The following CTNNAL1 variants were observed in gnomAD, a reference collection of about 807,000 sequenced individuals.
CTNNAL1 encodes catenin alpha like 1.
Under a neutral mutation model 93.6 loss-of-function variants are expected in CTNNAL1, and 69 were observed. That is an observed-to-expected ratio of 0.74 (90% CI 0.61 to 0.90). CTNNAL1 has a LOEUF of 0.90. CTNNAL1 is among the 40% of genes least tolerant of loss of function. CTNNAL1 has a pLI of 0.00. For missense variants in CTNNAL1, 836 were observed against 862.0 expected (o/e 0.97, Z 0.38); for synonymous variants, 286 against 305.4 (o/e 0.94, Z 0.66).
intron 1 of CTNNAL1, among the ~76,000 whole-genome samples, chr9:109,007,809 C>T (rs1032537896): frequency 1.3e-5 from 2 of 152,208 alleles, no homozygotes; most frequent in Admixed American, 6.5e-5. Context: ...TATCTGGCTA[C>T]TCCTTGTCCA....
chr9:108,976,890 T>C, intron 8 of CTNNAL1, 72 bp downstream of exon 8: 3 of 600,736 alleles, frequency 5.0e-6, no homozygotes, highest in South Asian at 2.9e-5. Flanking sequence ...ATAATACTAA[T>C]GTATTTCATA....
rs1241555018 is a variant in CTNNAL1 at position 108,946,091 on chromosome 9, GAGATCGAGACC to G, written c.1884+2084_1885-2074del. Among the ~76,000 whole-genome samples, 3 of 152,060 alleles carry G rather than the reference GAGATCGAGACC, an allele frequency of 2.0e-5. No individual in the cohort carries two copies. In the East Asian group the frequency reaches 5.8e-4, roughly 29 times the overall value. ...TGAGGCGGGCGAATCACAAGGTCAA[GAGATCGAGACC>G]ATCCTGGCCAACATGGTGAAACCCT... is the stretch of plus-strand genomic sequence containing the variant. On this transcript the variant is annotated intron_variant, in intron 15 of 18. Transcript: ENST00000325551.
intron 2 of CTNNAL1, among the ~76,000 whole-genome samples, chr9:108,994,295 G>C (rs558441776): frequency 6.6e-6 from 1 of 152,060 alleles, no homozygotes; most frequent in Non-Finnish European, 1.5e-5. Flanking sequence ...GAAAGACTTA[G>C]AGCCAGGCTA....
At chr9:108,975,061 G>T (rs1162194282) in intron 8 of CTNNAL1, among the ~76,000 whole-genome samples, 1 of 152,130 alleles carries the variant, frequency 6.6e-6, no homozygotes, top group Non-Finnish European at 1.5e-5. Flanking sequence ...TACTCGGGAG[G>T]CTGAGGCATG....
At chr9:108,961,618 A>G (rs2132112468) in intron 11 of CTNNAL1, among the ~76,000 whole-genome samples, 1 of 152,356 alleles carries the variant, frequency 6.6e-6, no homozygotes, top group South Asian at 2.1e-4. Context: ...CCTAAAGAAG[A>G]GATTATTTAC....
intron 14 of CTNNAL1, chr9:108,950,529 T>G: frequency 6.4e-7 from 1 of 1,550,424 alleles, no homozygotes; most frequent in Non-Finnish European, 8.7e-7. Flanking sequence ...CTAGAAAAGG[T>G]AGAAGACGTC....
chr9:108,965,311 G>T, intron 11 of CTNNAL1, 67 bp downstream of exon 11: 1 of 1,228,058 alleles, frequency 8.1e-7, no homozygotes, highest in Non-Finnish European at 1.1e-6. Context: ...TTGAGGTTTG[G>T]CATTAAAAAA....
chr9:109,005,448 G>A (rs569381371), intron 1 of CTNNAL1, among the ~76,000 whole-genome samples: 2 of 152,250 alleles, frequency 1.3e-5, no homozygotes, highest in East Asian at 3.9e-4. Context: ...ATTAGGAGGT[G>A]GGGCCTTTGG....
At position 108,977,835 on chromosome 9, in the gene CTNNAL1, C is replaced by T. The variant is rs184218438; in HGVS notation, c.1102-787G>A. On this transcript the variant is annotated intron_variant, in intron 7 of 18. Transcript: ENST00000325551. ...TCTCAATGCATAGTCTACACTTTCTCTTAGGATACTTACAAAGCTATTTGT... is the reference window on the plus strand; with the variant it reads ...TCTCAATGCATAGTCTACACTTTCTTTTAGGATACTTACAAAGCTATTTGT... Among the ~76,000 whole-genome samples, 3 of 152,314 alleles carry T rather than the reference C, an allele frequency of 2.0e-5. No individual in the cohort carries two copies. In the East Asian group the frequency reaches 5.8e-4, roughly 29 times the overall value.
At position 109,013,359 on chromosome 9, in the gene CTNNAL1, C is replaced by T. The variant is rs1308341105; in HGVS notation, c.84G>A (p.Ser28=). ...GSGSSGFALD[S]GLEIKTRSVE... ...CCGAGCGAGTTTTGATCTCCAGTCC[C>T]GAGTCGAGGGCGAAGCCCGAAGAGC... The change falls in exon 1 of 19, where the codon TCG becomes TCA. Residue 28 remains serine, a synonymous_variant. Coordinates refer to ENST00000325551, the MANE Select transcript of CTNNAL1 (RefSeq NM_003798.4). 6 of 1,514,754 alleles carry T rather than the reference C, an allele frequency of 4.0e-6. No individual in the cohort carries two copies. The African/African-American group carries it at 5.8e-5, about 15-fold the overall frequency. The allele number at this position is 1,514,754 out of a possible 1,614,324, so 93.8% of individuals were successfully genotyped here. A position where few individuals can be genotyped will look rare whatever the true frequency, so the allele number is the denominator to read the frequency against.
chr9:108,992,495 G>A (rs951796489), intron 3 of CTNNAL1, 137 bp downstream of exon 3: 1 of 1,107,100 alleles, frequency 9.0e-7, no homozygotes, highest in Non-Finnish European at 1.3e-6. Context: ...AATGTATCCT[G>A]CATTGCACAT....
chr9:108,965,594 C>A, intron 10 of CTNNAL1, 66 bp from the exon 11 acceptor site: 1 of 908,420 alleles, frequency 1.1e-6, no homozygotes, highest in Non-Finnish European at 1.6e-6. Context: ...ACTTTGAAGA[C>A]CAAAGGTAAG....
rs1218433114 is a variant in CTNNAL1, at chr9:108,943,895, T to C, written c.1941+67A>G. The C allele has an allele frequency of 1.7e-5, 27 of 1,598,172 alleles. No individual in the cohort carries two copies. The East Asian group carries it at 5.8e-4, about 34-fold the overall frequency. ...TACCTTAAACACATTTATACATTGA[T>C]ATTATACCCCCAAAGTAGGTTATAC... On this transcript the variant is annotated intron_variant, in intron 16 of 18. Transcript: ENST00000325551.
intron 8 of CTNNAL1, 30 bp from the exon 9 acceptor site, chr9:108,972,863 G>GTCCA: frequency 4.3e-6 from 1 of 231,688 alleles, no homozygotes; most frequent in Non-Finnish European, 7.1e-6. Context: ...TGGGGGGGTG[G>GTCCA]GAGGGTGGAG....
intron 2 of CTNNAL1, among the ~76,000 whole-genome samples, chr9:108,994,264 T>A (rs896657596): frequency 1.9e-4 from 29 of 149,768 alleles, no homozygotes; most frequent in African/African-American, 6.1e-4. Flanking sequence ...CTAGTAGGAG[T>A]ACATAAAATA....
At chr9:108,988,699 TG>T (rs1400825715) in intron 4 of CTNNAL1, among the ~76,000 whole-genome samples, 7 of 152,200 alleles carry the variant, frequency 4.6e-5, no homozygotes, top group African/African-American at 1.7e-4. Flanking sequence ...TCGTGTTCTT[TG>T]AACACACCAT....
intron 8 of CTNNAL1, 35 bp from the exon 9 acceptor site, chr9:108,972,868 G>GCCCCCCCCCGGGT: frequency 9.2e-7 from 1 of 1,092,788 alleles, no homozygotes; most frequent in African/African-American, 1.7e-5. Flanking sequence ...GGGTGGGAGG[G>GCCCCCCCCCGGGT]TGGAGAAGGA....
chr9:108,987,981 C>A (rs1429390197), intron 4 of CTNNAL1, among the ~76,000 whole-genome samples: 1 of 152,190 alleles, frequency 6.6e-6, no homozygotes, highest in Non-Finnish European at 1.5e-5. Context: ...CAAACAGGGA[C>A]AATTTGACTT....
intron 1 of CTNNAL1, among the ~76,000 whole-genome samples, chr9:109,010,940 T>C (rs967751498): frequency 6.6e-6 from 1 of 152,214 alleles, no homozygotes; most frequent in East Asian, 1.9e-4. Context: ...GCATGTGCTG[T>C]TCTATACATG....
Sources: gnomAD v4.1 joint callset for allele counts (sites outside exome capture counted in the v4.1 genomes callset) on GRCh38, gnomAD v4.1.1 for gene constraint, MANE v1.5 for transcripts, NCBI Gene and HGNC (gene_info 2026-07-23, HGNC 2026-07-21) for gene names.